Variants in TMEM266 observed in about 807,000 individuals in gnomAD.
TMEM266 encodes Hv1 related protein 1.
TMEM266 carries 33 observed loss-of-function variants against 50.5 expected under a neutral mutation model. That is an observed-to-expected ratio of 0.65 (90% confidence interval 0.50 to 0.87). TMEM266 has a LOEUF of 0.87. Ranked by LOEUF, TMEM266 falls within the 40% of genes least tolerant of loss-of-function variation. The probability of loss-of-function intolerance (pLI) is 0.00; values close to 1 mark genes in which losing one functional copy is unlikely to be tolerated. For missense variants in TMEM266, 655 were observed against 695.1 expected (o/e 0.94, Z 0.65); for synonymous variants, 310 against 292.3 (o/e 1.06, Z -0.62).
chr15:76,104,712 G>A (rs1466739416), intron 1 of TMEM266, among the ~76,000 whole-genome samples: 1 of 152,182 alleles, frequency 6.6e-6, no homozygotes, highest in Non-Finnish European at 1.5e-5. Flanking sequence ...GTCATCAGCT[G>A]AGAGTGTGAA....
intron 3 of TMEM266, among the ~76,000 whole-genome samples, chr15:76,152,174 C>T (rs924488848): frequency 6.6e-6 from 1 of 152,156 alleles, no homozygotes; most frequent in African/African-American, 2.4e-5. Context: ...TTCTGTCCTT[C>T]CACTTCCGTC....
intron 1 of TMEM266, among the ~76,000 whole-genome samples, chr15:76,118,957 C>T (rs904423973): frequency 6.6e-6 from 1 of 152,110 alleles, no homozygotes; most frequent in South Asian, 2.1e-4. Flanking sequence ...TGCCAAGGGG[C>T]GTTGTGCCAC....
rs550948471 is a variant in TMEM266, at chr15:76,170,647, C to T, written c.514-346C>T. Among the ~76,000 whole-genome samples the T allele has an allele frequency of 6.6e-5, 10 of 152,336 alleles. No individual in the cohort carries two copies. In the South Asian group the frequency reaches 8.3e-4, roughly 13 times the overall value. On this transcript the variant is annotated intron_variant, in intron 6 of 10. Coordinates refer to ENST00000388942, the MANE Select transcript of TMEM266 (RefSeq NM_152335.3). ...AGGCACCCTGAGCCTGCCTTCAGCC[C>T]CTGCCCTGCCAGGGAGGGATCCAGC...
At chr15:76,197,509 G>T (rs536622565) in intron 9 of TMEM266, among the ~76,000 whole-genome samples, 2 of 152,308 alleles carry the variant, frequency 1.3e-5, no homozygotes, top group African/African-American at 4.8e-5. Context: ...TATGTAGCTG[G>T]TCCTGTCTCA....
chr15:76,063,643 A>G (rs1332080295), intron 1 of TMEM266, among the ~76,000 whole-genome samples: 1 of 152,090 alleles, frequency 6.6e-6, no homozygotes, highest in Non-Finnish European at 1.5e-5. Context: ...CTACTATATT[A>G]ATTAGTTGTT....
chr15:76,185,870 G>A (rs1051702885), intron 8 of TMEM266, among the ~76,000 whole-genome samples: 3 of 152,150 alleles, frequency 2.0e-5, no homozygotes, highest in African/African-American at 7.2e-5. Context: ...TACAGAGCTC[G>A]TCATTGACTT....
At chr15:76,127,480 C>T (rs1308032910) in intron 1 of TMEM266, among the ~76,000 whole-genome samples, 1 of 152,114 alleles carries the variant, frequency 6.6e-6, no homozygotes, top group East Asian at 1.9e-4. Flanking sequence ...GTGCAAGCCA[C>T]CACACCCAGC....
At chr15:76,112,778 A>T (rs1419025659) in intron 1 of TMEM266, 1 of 152,178 alleles carries the variant, frequency 6.6e-6, no homozygotes, top group East Asian at 1.9e-4. Context: ...TTTCTTTCTT[A>T]ATTTGCTGAT....
chr15:76,119,255 C>T (rs1415276776), intron 1 of TMEM266, among the ~76,000 whole-genome samples: 2 of 152,024 alleles, frequency 1.3e-5, no homozygotes, highest in Non-Finnish European at 2.9e-5. Context: ...CAGATTTAAG[C>T]CTGCCATATT....
intron 9 of TMEM266, among the ~76,000 whole-genome samples, chr15:76,196,405 T>C (rs371075040): frequency 2.8e-4 from 43 of 152,192 alleles, no homozygotes; most frequent in African/African-American, 9.9e-4. Context: ...GGAACACACA[T>C]GATTCACAGC....
At chr15:76,085,876 A>C (rs1053890982) in intron 1 of TMEM266, among the ~76,000 whole-genome samples, 1 of 151,992 alleles carries the variant, frequency 6.6e-6, no homozygotes, top group Non-Finnish European at 1.5e-5. Context: ...GTGAAACCCT[A>C]TCTCTACTAA....
chr15:76,101,985 A>G (rs760212199), intron 1 of TMEM266, among the ~76,000 whole-genome samples: 1 of 152,186 alleles, frequency 6.6e-6, no homozygotes. Context: ...CTCCTACTGC[A>G]TACAGATGGA....
At chr15:76,117,447 G>A (rs2037268797) in intron 1 of TMEM266, among the ~76,000 whole-genome samples, 1 of 152,032 alleles carries the variant, frequency 6.6e-6, no homozygotes, top group South Asian at 2.1e-4. Flanking sequence ...GACTGGCCCA[G>A]TTTTACAGCT....
rs79676719 is a variant in TMEM266, at chr15:76,078,579, T to C, written c.-97+18563T>C. Among the ~76,000 whole-genome samples the C allele has an allele frequency of 1.6e-3, 242 of 152,320 alleles. 1 individual carries two copies. Among genetic ancestry groups the C allele is most frequent in the African/African-American group, 5.4e-3 (225 of 41,580 alleles). On this transcript the variant is annotated intron_variant, in intron 1 of 10. Coordinates refer to ENST00000388942, the MANE Select transcript of TMEM266 (RefSeq NM_152335.3). ...TTCCAGATACTATCTAATGTCACCA[T>C]TGATCTCTCTGTGCTACCTCAAGGG...
At chr15:76,145,097 G>T (rs1269826746) in intron 3 of TMEM266, among the ~76,000 whole-genome samples, 3 of 152,162 alleles carry the variant, frequency 2.0e-5, no homozygotes, top group Admixed American at 1.3e-4. Context: ...CTTTGAGATT[G>T]GTCCAGAGAC....
intron 9 of TMEM266, among the ~76,000 whole-genome samples, chr15:76,201,624 C>T (rs1488376482): frequency 6.6e-6 from 1 of 152,200 alleles, no homozygotes; most frequent in African/African-American, 2.4e-5. Flanking sequence ...TAATTATGTA[C>T]TGAGTACCTA....
intron 8 of TMEM266, among the ~76,000 whole-genome samples, chr15:76,186,162 C>T (rs1349945365): frequency 1.3e-5 from 2 of 152,168 alleles, no homozygotes; most frequent in African/African-American, 4.8e-5. Context: ...TGGGCTGTGG[C>T]CCCTGCTTTG....
At chr15:76,111,553 GC>G (rs957028765) in intron 1 of TMEM266, among the ~76,000 whole-genome samples, 17 of 151,706 alleles carry the variant, frequency 1.1e-4, no homozygotes, top group African/African-American at 3.6e-4. Context: ...GATTACAGGC[GC>G]CCGCCACCAT....
intron 3 of TMEM266, among the ~76,000 whole-genome samples, chr15:76,152,941 G>A (rs916794615): frequency 4.6e-5 from 7 of 152,044 alleles, no homozygotes; most frequent in African/African-American, 1.4e-4. Flanking sequence ...TGACTTCAAG[G>A]CCGTCATCCC....
Sources: allele counts gnomAD v4.1 joint callset (sites outside exome capture counted in the v4.1 genomes callset), GRCh38; gene constraint gnomAD v4.1.1; transcripts MANE v1.5; gene names NCBI Gene and HGNC (gene_info 2026-07-23, HGNC 2026-07-21).